DMXL1: variants seen among roughly 807,000 people sequenced by gnomAD.
The protein encoded by DMXL1 is dmX-like protein 1.
In DMXL1, 99 loss-of-function variants were observed where a neutral mutation model predicts 319.2. The observed-to-expected ratio is 0.31, with a 90% CI of 0.26 to 0.37. The LOEUF is 0.37. Among genes scored for constraint, DMXL1 ranks in the 10% least tolerant of loss-of-function variants. The probability of loss-of-function intolerance (pLI) is 1.00; values close to 1 mark genes in which losing one functional copy is unlikely to be tolerated. For missense variants in DMXL1, 3,745 were observed against 3,595.6 expected (o/e 1.04, Z -1.06); for synonymous variants, 1,385 against 1,235.2 (o/e 1.12, Z -2.54).
Position 119,224,736 on chromosome 5 carries a change from A to G in DMXL1, c.8305A>G (p.Arg2769Gly). Residue 2769 changes from arginine (R) to glycine (G), a missense_variant, in exon 38 of 44, where the codon AGA becomes GGA. Physicochemically the swap from Arg to Gly is moderately radical, Grantham distance 125. Transcript: ENST00000539542. ...GATTAAGAAAGCCATTAATAATGTT[A>G]GAAGAATGACTTCTCATCCAACTCT... ...VMIKKAINNV[R>G]RMTSHPTLPY... 1 of 1,330,516 alleles carries G rather than the reference A, an allele frequency of 7.5e-7. No individual in the cohort carries two copies. Among genetic ancestry groups the G allele is most frequent in the Non-Finnish European group, 1.0e-6 (1 of 996,668 alleles). 82.4% of individuals were successfully genotyped at this position (1,330,516 alleles called of 1,614,324 possible). A position where few individuals can be genotyped will look rare whatever the true frequency, so the allele number is the denominator to read the frequency against.
chr5:119,239,314 T>C (rs1183039429), intron 41 of DMXL1, among the ~76,000 whole-genome samples: 1 of 152,204 alleles, frequency 6.6e-6, no homozygotes, highest in Non-Finnish European at 1.5e-5. Flanking sequence ...TTCTGTTATA[T>C]AACTGAGTTC....
chr5:119,215,490 T>G (rs1783522122), intron 34 of DMXL1, among the ~76,000 whole-genome samples: 1 of 152,092 alleles, frequency 6.6e-6, no homozygotes, highest in African/African-American at 2.4e-5. Flanking sequence ...GTATTTTTAG[T>G]AAAGTAATTT....
intron 9 of DMXL1, among the ~76,000 whole-genome samples, chr5:119,124,479 A>G (rs907274806): frequency 1.3e-5 from 2 of 151,858 alleles, no homozygotes; most frequent in African/African-American, 4.8e-5. Flanking sequence ...AAAGAGGTTG[A>G]TAGGTCAGTC....
Position 119,170,579 on chromosome 5 carries a change from A to C in DMXL1, c.5788A>C (p.Asn1930His). 2.5e-6 allele frequency: 4 copies of C among 1,613,832 alleles called. No homozygotes were observed. Among genetic ancestry groups the C allele is most frequent in the Non-Finnish European group, 3.4e-6 (4 of 1,179,920 alleles). Residue 1930 changes from asparagine to histidine, a missense_variant, in exon 24 of 44, where the codon AAT (asparagine) becomes CAT (histidine). By Grantham distance (68) the Asn-to-His change is moderately conservative. This residue lies in a region of DMXL1 where 1,382 missense variants were observed against 1,269.5 expected (regional missense o/e 1.09). Transcript: ENST00000539542. ...SAVDWSQSLI[N>H]GFGSSSEGSS... ...TGTTGATTGGTCACAGTCACTGATA[A>C]ATGGTTTTGGATCTTCTTCAGAGGG... is the stretch of plus-strand genomic sequence containing the variant.
intron 28 of DMXL1, among the ~76,000 whole-genome samples, chr5:119,187,977 T>C (rs1488495452): frequency 1.3e-5 from 2 of 152,194 alleles, no homozygotes; most frequent in African/African-American, 4.8e-5. Context: ...TAATAAGTGG[T>C]TTTATACTTC....
chr5:119,204,749 G>T, intron 33 of DMXL1, among the ~76,000 whole-genome samples: 1 of 152,020 alleles, frequency 6.6e-6, no homozygotes, highest in Non-Finnish European at 1.5e-5. Flanking sequence ...ACTGACATTT[G>T]GTATGTGAAC....
At chr5:119,143,747 A>T in intron 13 of DMXL1, 94 bp from the exon 14 acceptor site, 1 of 768,000 alleles carries the variant, frequency 1.3e-6, no homozygotes, top group Non-Finnish European at 2.0e-6. Context: ...CTTGAATTTT[A>T]TTGTTATTTA....
chr5:119,226,632 G>T (rs928502027), intron 38 of DMXL1, among the ~76,000 whole-genome samples: 2 of 152,056 alleles, frequency 1.3e-5, no homozygotes, highest in Admixed American at 6.6e-5. Flanking sequence ...AGTCTACCTG[G>T]AGTTAGAATC....
At chr5:119,217,176 G>T (rs1561897280) in intron 35 of DMXL1, among the ~76,000 whole-genome samples, 189 bp downstream of exon 35, 1 of 152,046 alleles carries the variant, frequency 6.6e-6, no homozygotes, top group African/African-American at 2.4e-5. Context: ...ATATGATTTT[G>T]GAGATACAGC....
chr5:119,118,830 T>C lies in DMXL1; in HGVS notation c.759T>C (p.Asn253=), dbSNP rs1443758387. Residue 253 remains asparagine, a synonymous_variant, in exon 8 of 44, where the codon AAT becomes AAC. Transcript: ENST00000539542. ...CATTCCTTAGGGCTTCTGTATGTAA[T>C]GTACTGTTGACTTGCTGCAAAGATA... ...SKYMPRASVC[N]VLLTCCKDNV... is the part of the protein sequence containing the mutation. 1 of 1,611,760 alleles carries C rather than the reference T, an allele frequency of 6.2e-7. No homozygotes were observed.
At chr5:119,118,286 G>C (rs1161814463) in intron 7 of DMXL1, among the ~76,000 whole-genome samples, 1 of 152,118 alleles carries the variant, frequency 6.6e-6, no homozygotes, top group Non-Finnish European at 1.5e-5. Flanking sequence ...TTTTGTGACA[G>C]TGTGCAGGTG....
intron 34 of DMXL1, among the ~76,000 whole-genome samples, chr5:119,208,492 G>C (rs1239526159): frequency 1.3e-5 from 2 of 152,150 alleles, no homozygotes; most frequent in Admixed American, 1.3e-4. Flanking sequence ...GGGATTACAG[G>C]TGTGAGACAC....
chr5:119,117,488 A>G lies in DMXL1; in HGVS notation c.743+1152A>G, dbSNP rs189415281. 5.4e-3 allele frequency among the ~76,000 whole-genome samples: 828 copies of G among 152,210 alleles called. 11 individuals are homozygous for G. The highest frequency in any genetic ancestry group is 0.019 in the African/African-American group (784 of 41,542). Reference sequence around the variant, plus strand: ...TAGCCAGGACAGGGATAGAGAAAAGAGAGTGAGAAAAAATGGAGGGAGATG... The same window carrying G: ...TAGCCAGGACAGGGATAGAGAAAAGGGAGTGAGAAAAAATGGAGGGAGATG... On this transcript the variant is annotated intron_variant, in intron 7 of 43. Transcript: ENST00000539542.
chr5:119,185,653 C>T (rs1289801033), intron 28 of DMXL1, among the ~76,000 whole-genome samples: 1 of 152,054 alleles, frequency 6.6e-6, no homozygotes. Flanking sequence ...CAGGTGCACA[C>T]CACGACACTT....
chr5:119,102,049 T>A (rs779848177), intron 3 of DMXL1, 43 bp downstream of exon 3: 3 of 1,289,288 alleles, frequency 2.3e-6, no homozygotes, highest in South Asian at 1.3e-5. Context: ...TGAAATGTTT[T>A]AAGTATTGAA....
chr5:119,149,163 T>G lies in DMXL1; in HGVS notation c.3336T>G (p.Val1112=), dbSNP rs1561723643. ...CAGTATTGGATTCTGGCATTAGTGTTGATAGCAATTTAGTGGCCTATAATA... is the reference window on the plus strand; with the variant it reads ...CAGTATTGGATTCTGGCATTAGTGTGGATAGCAATTTAGTGGCCTATAATA... ...LSTVLDSGIS[V]DSNLVAYNKQ... The change falls in exon 18 of 44, where the codon GTT becomes GTG. Residue 1112 remains valine, a synonymous_variant. Coordinates refer to ENST00000539542, the MANE Select transcript of DMXL1 (RefSeq NM_001290321.3). The G allele has an allele frequency of 6.2e-7, 1 of 1,613,888 alleles. No individual in the cohort carries two copies. Among genetic ancestry groups the G allele is most frequent in the Non-Finnish European group, 8.5e-7 (1 of 1,179,864 alleles).
chr5:119,145,376 A>G (rs1219498376), intron 15 of DMXL1, among the ~76,000 whole-genome samples: 5 of 151,686 alleles, frequency 3.3e-5, no homozygotes, highest in Non-Finnish European at 7.4e-5. Context: ...GTTGACATCT[A>G]ATTTCTTACC....
chr5:119,195,048 A>G (rs1425622987), intron 30 of DMXL1, among the ~76,000 whole-genome samples: 1 of 152,000 alleles, frequency 6.6e-6, no homozygotes, highest in Non-Finnish European at 1.5e-5. Context: ...TCTCATATGC[A>G]TTAGGATGGC....
At chr5:119,073,756 A>G (rs1483432924) in intron 1 of DMXL1, among the ~76,000 whole-genome samples, 1 of 152,160 alleles carries the variant, frequency 6.6e-6, no homozygotes, top group Non-Finnish European at 1.5e-5. Context: ...TTTAACAGTC[A>G]TGGTTTTCCT....
Sources: allele counts gnomAD v4.1 joint callset (sites outside exome capture counted in the v4.1 genomes callset), GRCh38; gene constraint gnomAD v4.1.1; regional missense constraint gnomAD v4.1.1; transcripts MANE v1.5; gene names NCBI Gene and HGNC (gene_info 2026-07-23, HGNC 2026-07-21).